CNTNAP2: variants seen among roughly 807,000 people sequenced by gnomAD.
CNTNAP2 encodes contactin associated protein 2.
In CNTNAP2, 98 loss-of-function variants were observed where a neutral mutation model predicts 155.2. That is an observed-to-expected ratio of 0.63 (90% CI 0.54 to 0.75). The LOEUF (loss-of-function observed/expected upper bound fraction) is 0.75, where lower values mean the gene tolerates loss of function less well. Ranked by LOEUF, CNTNAP2 falls within the 30% of genes least tolerant of loss-of-function variation. CNTNAP2 has a pLI of 0.00. For synonymous variants in CNTNAP2, 651 were observed against 631.2 expected, an observed-to-expected ratio of 1.03 and a Z score of -0.47; for missense variants, 1,727 against 1,688.1, an observed-to-expected ratio of 1.02 and a Z score of -0.40.
chr7:146,904,959 C>T (rs28547456), intron 3 of CNTNAP2, among the ~76,000 whole-genome samples: 1,672 of 152,246 alleles, frequency 0.011, 33 homozygotes, highest in African/African-American at 0.039. Context: ...ACCTTACCAC[C>T]GCATACTGGA....
chr7:147,820,286 G>T (rs191830869), intron 13 of CNTNAP2, among the ~76,000 whole-genome samples: 12 of 151,988 alleles, frequency 7.9e-5, no homozygotes, highest in African/African-American at 2.9e-4. Flanking sequence ...TTGCTTATTG[G>T]TTATTGCATG....
intron 4 of CNTNAP2, among the ~76,000 whole-genome samples, chr7:147,105,039 C>A (rs59682232): frequency 6.6e-6 from 1 of 150,706 alleles, no homozygotes; most frequent in African/African-American, 2.4e-5. Context: ...TCACTCTCTA[C>A]TTTCTATATT....
At chr7:146,328,925 T>G (rs1801138686) in intron 1 of CNTNAP2, among the ~76,000 whole-genome samples, 1 of 152,208 alleles carries the variant, frequency 6.6e-6, no homozygotes, top group Non-Finnish European at 1.5e-5. Context: ...TCTTTACCAA[T>G]TTATCTGCTG....
chr7:147,177,761 G>T (rs1802378055), intron 8 of CNTNAP2, among the ~76,000 whole-genome samples: 1 of 152,052 alleles, frequency 6.6e-6, no homozygotes, highest in South Asian at 2.1e-4. Flanking sequence ...GCCCATTCAG[G>T]GTTGAGGGAG....
rs187485217 is a variant in CNTNAP2, at chr7:147,510,738, G to C, written c.1777+24697G>C. Reference sequence around the variant, plus strand: ...ATAACTAGTATGCACTTTACAAAAGGCTTGGTAGGTTAATATATGACAAAT... The same window carrying C: ...ATAACTAGTATGCACTTTACAAAAGCCTTGGTAGGTTAATATATGACAAAT... On this transcript the variant is annotated intron_variant, in intron 11 of 23. Coordinates refer to ENST00000361727, the MANE Select transcript of CNTNAP2 (RefSeq NM_014141.6). Among the ~76,000 whole-genome samples, 86 of 150,300 alleles carry C rather than the reference G, an allele frequency of 5.7e-4. 2 individuals are homozygous for C. The East Asian group carries it at 0.016, about 28-fold the overall frequency.
chr7:147,076,333 G>A (rs1307060196), intron 4 of CNTNAP2, among the ~76,000 whole-genome samples: 1 of 152,180 alleles, frequency 6.6e-6, no homozygotes, highest in Non-Finnish European at 1.5e-5. Flanking sequence ...TCTAACTGGT[G>A]TGAGATGGTA....
At chr7:146,512,402 C>CT (rs201163532) in intron 1 of CNTNAP2, among the ~76,000 whole-genome samples, 4 of 151,454 alleles carry the variant, frequency 2.6e-5, no homozygotes, top group South Asian at 4.2e-4. Flanking sequence ...AGCTTTACCA[C>CT]TTTTTTTTAT....
chr7:147,317,503 C>G (rs771689030), intron 9 of CNTNAP2, among the ~76,000 whole-genome samples: 5 of 152,150 alleles, frequency 3.3e-5, no homozygotes, highest in African/African-American at 1.2e-4. Flanking sequence ...GAGTGTTATG[C>G]TGCCTTTGTC....
intron 1 of CNTNAP2, among the ~76,000 whole-genome samples, chr7:146,727,974 C>G (rs1233514189): frequency 6.6e-6 from 1 of 152,094 alleles, no homozygotes; most frequent in Non-Finnish European, 1.5e-5. Flanking sequence ...AAAGCACCTG[C>G]TGTTATGTTG....
intron 3 of CNTNAP2, among the ~76,000 whole-genome samples, chr7:147,018,444 A>G (rs2129245765): frequency 6.6e-6 from 1 of 152,182 alleles, no homozygotes; most frequent in Middle Eastern, 3.4e-3. Flanking sequence ...ATTTTAACCC[A>G]TATTGCATAA....
chr7:148,163,445 C>T (rs1453505259), intron 17 of CNTNAP2, among the ~76,000 whole-genome samples: 1 of 152,184 alleles, frequency 6.6e-6, no homozygotes, highest in Non-Finnish European at 1.5e-5. Context: ...CACTTAGCTC[C>T]ACCCCCATTG....
chr7:146,279,549 C>A (rs1800217309), intron 1 of CNTNAP2, among the ~76,000 whole-genome samples: 1 of 151,318 alleles, frequency 6.6e-6, no homozygotes, highest in Admixed American at 6.6e-5. Flanking sequence ...ATTAGAAATT[C>A]TAATAATCTT....
At chr7:148,320,532 C>A (rs760096256) in intron 21 of CNTNAP2, among the ~76,000 whole-genome samples, 20 of 151,774 alleles carry the variant, frequency 1.3e-4, no homozygotes, top group Non-Finnish European at 2.8e-4. Flanking sequence ...TACAAGCATG[C>A]ACCACCATAC....
chr7:148,063,465 C>CT (rs951628840), intron 15 of CNTNAP2, among the ~76,000 whole-genome samples: 1 of 151,532 alleles, frequency 6.6e-6, no homozygotes, highest in East Asian at 1.9e-4. Flanking sequence ...TTTCTAGTAG[C>CT]TTTTTTTTCC....
intron 1 of CNTNAP2, among the ~76,000 whole-genome samples, chr7:146,151,892 A>G (rs1374315878): frequency 6.6e-6 from 1 of 151,018 alleles, no homozygotes; most frequent in African/African-American, 2.4e-5. Flanking sequence ...ATGTGGCAAA[A>G]AGGAAACTCT....
intron 1 of CNTNAP2, among the ~76,000 whole-genome samples, chr7:146,163,012 T>C (rs1430620524): frequency 6.6e-6 from 1 of 151,912 alleles, no homozygotes; most frequent in African/African-American, 2.4e-5. Flanking sequence ...TGTTGGGGGT[T>C]TGGGGGAGAG....
At chr7:148,040,810 C>A (rs1802659764) in intron 15 of CNTNAP2, among the ~76,000 whole-genome samples, 3 of 151,656 alleles carry the variant, frequency 2.0e-5, no homozygotes, top group Non-Finnish European at 4.4e-5. Flanking sequence ...GAAATGGGAA[C>A]AACTCTAGGT....
At chr7:148,329,664 C>G (rs1534704) in intron 21 of CNTNAP2, among the ~76,000 whole-genome samples, 147,281 of 152,280 alleles carry the variant, frequency 0.97, 71,268 homozygotes, top group East Asian at 1. Flanking sequence ...TAGGTTTTTT[C>G]TGATCAATAG....
rs2538962 is a variant in CNTNAP2 at position 147,903,512 on chromosome 7, C to A, written c.2099-53C>A. On this transcript the variant is annotated intron_variant, in intron 13 of 23. Coordinates refer to ENST00000361727, the MANE Select transcript of CNTNAP2 (RefSeq NM_014141.6). ...GGGAAGTGGGTGTAAGTGTGGCAGT[C>A]TAATGACTGAACCCAGGTCTGTTTC... The A allele has an allele frequency of 0.64, 1,023,756 of 1,595,200 alleles. 329,632 individuals are homozygous for A. Among genetic ancestry groups the A allele is most frequent in the Middle Eastern group, 0.78 (4,685 of 6,020 alleles).
Sources: gnomAD v4.1 joint callset for allele counts (sites outside exome capture counted in the v4.1 genomes callset) on GRCh38, gnomAD v4.1.1 for gene constraint, MANE v1.5 for transcripts, NCBI Gene and HGNC (gene_info 2026-07-23, HGNC 2026-07-21) for gene names.